TOP3A: variants seen among roughly 807,000 people sequenced by gnomAD.
TOP3A encodes the protein DNA topoisomerase 3-alpha.
In TOP3A, 64 loss-of-function variants were observed where a neutral mutation model predicts 111.3. The observed-to-expected ratio is 0.57, with a 90% confidence interval of 0.47 to 0.71. TOP3A has a LOEUF of 0.71. Among genes scored for constraint, TOP3A ranks in the 30% least tolerant of loss-of-function variants. TOP3A has a pLI of 0.00. For synonymous variants in TOP3A, 484 were observed against 485.1 expected, an observed-to-expected ratio of 1.00 and a Z score of 0.03; for missense variants, 1,104 against 1,285.0, an observed-to-expected ratio of 0.86 and a Z score of 2.15.
chr17:18,307,951 T>G (rs1597987845), intron 3 of TOP3A, among the ~76,000 whole-genome samples: 1 of 135,096 alleles, frequency 7.4e-6, no homozygotes, highest in African/African-American at 2.8e-5. Context: ...TGGCTCACGG[T>G]CTGTAATCCC....
chr17:18,277,936 CT>C lies in TOP3A; in HGVS notation c.2565del (p.Ala856GlnfsTer26). On this transcript the variant is annotated frameshift_variant, in exon 18 of 19. Transcript: ENST00000321105. LOFTEE classifies it high-confidence loss of function. ...FFLWADSPNP[G>X]AGGPPALAYR... Reference sequence around the variant, plus strand: ...TATGCCAAGGCAGGAGGCCCTCCTGCTCCCGGATTGGGGCTGTCTGCCCACA... The same window carrying C: ...TATGCCAAGGCAGGAGGCCCTCCTGCCCCGGATTGGGGCTGTCTGCCCACA... The C allele has an allele frequency of 6.2e-7, 1 of 1,613,970 alleles. No homozygotes were observed. The highest frequency in any genetic ancestry group is 8.5e-7 in the Non-Finnish European group (1 of 1,180,042).
intron 2 of TOP3A, chr17:18,308,670 C>CTT (rs10647472): frequency 0.29 from 118,378 of 404,878 alleles, 13,632 homozygotes; most frequent in African/African-American, 0.57. Context: ...TGTATATTAG[C>CTT]TTTTTTTTTT....
At chr17:18,306,772 A>C (rs1451585994) in intron 4 of TOP3A, 119 bp downstream of exon 4, 1 of 716,624 alleles carries the variant, frequency 1.4e-6, no homozygotes, top group Non-Finnish European at 2.4e-6. Context: ...TTTTTAAATC[A>C]TGGTAGTGAC....
At chr17:18,310,595 A>G (rs939393084) in intron 1 of TOP3A, among the ~76,000 whole-genome samples, 4 of 152,124 alleles carry the variant, frequency 2.6e-5, no homozygotes, top group Admixed American at 2.6e-4. Flanking sequence ...AAGAAGGCAG[A>G]TTCGTGGTTG....
Position 18,291,014 on chromosome 17 carries a change from C to G in TOP3A, c.1295G>C (p.Arg432Pro). The G allele has an allele frequency of 5.0e-6, 8 of 1,614,022 alleles. No homozygotes were observed. Among genetic ancestry groups the G allele is most frequent in the Non-Finnish European group, 6.8e-6 (8 of 1,179,998 alleles). The change falls in exon 12 of 19, where the codon CGA becomes CCA. Residue 432 changes from arginine (R) to proline (P), a missense_variant. Coordinates refer to ENST00000321105, the MANE Select transcript of TOP3A (RefSeq NM_004618.5). ...YTNNLQGDEQ[R>P]LYEFIVRHFL... ...ATGGCGAACAATAAACTCGTACAGTCGCTGTTCATCTCCCTAGGAAGAAAA... is the reference window on the plus strand; with the variant it reads ...ATGGCGAACAATAAACTCGTACAGTGGCTGTTCATCTCCCTAGGAAGAAAA...
intron 9 of TOP3A, among the ~76,000 whole-genome samples, chr17:18,299,273 T>A (rs1981068937): frequency 6.6e-6 from 1 of 152,038 alleles, no homozygotes; most frequent in Non-Finnish European, 1.5e-5. Context: ...CAAAAAATTT[T>A]AAAAATAATT....
At chr17:18,298,098 G>A (rs1301275678) in intron 9 of TOP3A, among the ~76,000 whole-genome samples, 6 of 150,444 alleles carry the variant, frequency 4.0e-5, no homozygotes, top group Admixed American at 1.3e-4. Flanking sequence ...TGTGAGGAGC[G>A]TCTCTGCCCG....
chr17:18,276,172 G>A (rs1238491139), intron 18 of TOP3A, among the ~76,000 whole-genome samples: 4 of 152,208 alleles, frequency 2.6e-5, no homozygotes, highest in African/African-American at 9.7e-5. Flanking sequence ...ACCCAAGCAA[G>A]CTGGCCTGTG....
At chr17:18,314,324 G>C (rs1982109265) in intron 1 of TOP3A, among the ~76,000 whole-genome samples, 1 of 152,220 alleles carries the variant, frequency 6.6e-6, no homozygotes, top group African/African-American at 2.4e-5. Flanking sequence ...GCCAGCGCCC[G>C]AGGCGATTCC....
intron 17 of TOP3A, 34 bp from the exon 18 acceptor site, chr17:18,278,391 C>A: frequency 6.7e-7 from 1 of 1,495,038 alleles, no homozygotes; most frequent in Non-Finnish European, 8.9e-7. Flanking sequence ...AAAACATTAA[C>A]AACCAGATGC....
chr17:18,297,836 G>C (rs1242832382), intron 9 of TOP3A, among the ~76,000 whole-genome samples: 10 of 152,012 alleles, frequency 6.6e-5, no homozygotes, highest in Admixed American at 6.6e-4. Flanking sequence ...GCCTCTGCCC[G>C]GCCGCCACCC....
At chr17:18,299,655 G>C (rs766962983) in intron 8 of TOP3A, 22 bp from the exon 9 acceptor site, 4 of 1,609,716 alleles carry the variant, frequency 2.5e-6, no homozygotes, top group Non-Finnish European at 3.4e-6. Context: ...GGAAAGAAAA[G>C]ACCATGTTAA....
At chr17:18,288,728 TCTTA>T (rs2142957855) in intron 13 of TOP3A, among the ~76,000 whole-genome samples, 1 of 152,280 alleles carries the variant, frequency 6.6e-6, no homozygotes, top group South Asian at 2.1e-4. Context: ...GATCCAGAAG[TCTTA>T]CTATGAGGTT....
intron 1 of TOP3A, 113 bp downstream of exon 1, chr17:18,314,486 G>T: frequency 1.6e-6 from 2 of 1,256,666 alleles, no homozygotes; most frequent in Non-Finnish European, 1.1e-6. Context: ...GGGGCAGTGA[G>T]GCCTGAGAAA....
rs780155629 is a variant in TOP3A at position 18,277,900 on chromosome 17, C to T, written c.2602G>A (p.Gly868Ser). 8.1e-6 allele frequency: 13 copies of T among 1,613,852 alleles called. No individual in the cohort carries two copies. In the African/African-American group the frequency reaches 1.7e-4, roughly 22 times the overall value. ...GPPALAYRPL[G>S]ASLGCPPGPG... Reference sequence around the variant, plus strand: ...CCTGGTGGGCATCCCAGGGAGGCGCCCAGGGGTCTATATGCCAAGGCAGGA... The same window carrying T: ...CCTGGTGGGCATCCCAGGGAGGCGCTCAGGGGTCTATATGCCAAGGCAGGA... Residue 868 changes from glycine to serine, a missense_variant, in exon 18 of 19, where the codon GGC becomes AGC. Gly to Ser is a moderately conservative substitution (Grantham distance 56, BLOSUM62 0). Coordinates refer to ENST00000321105, the MANE Select transcript of TOP3A (RefSeq NM_004618.5).
intron 1 of TOP3A, 60 bp from the exon 2 acceptor site, chr17:18,309,001 A>T: frequency 8.5e-6 from 8 of 938,952 alleles, no homozygotes; most frequent in Non-Finnish European, 1.2e-5. Context: ...ATTCCTTTGT[A>T]TAATTCTTTC....
At position 18,290,913 on chromosome 17, in the gene TOP3A, C is replaced by G; in HGVS notation, c.1396G>C (p.Val466Leu). The change falls in exon 12 of 19, where the codon GTG (valine) becomes CTG (leucine). Residue 466 changes from valine (V) to leucine (L), a missense_variant. Physicochemically the swap from Val to Leu is conservative, Grantham distance 32. Coordinates refer to ENST00000321105, the MANE Select transcript of TOP3A (RefSeq NM_004618.5). The part of the protein sequence containing the change: ...VEIDIAQERF[V>L]AHGLMILARN... ...GCCAGAATCATGAGGCCATGGGCCA[C>G]AAAGCGTTCCTGAGCGATGTCGATC... is the stretch of plus-strand genomic sequence containing the variant. The G allele has an allele frequency of 6.2e-7, 1 of 1,614,172 alleles. No homozygotes were observed. Among genetic ancestry groups the G allele is most frequent in the Non-Finnish European group, 8.5e-7 (1 of 1,180,038 alleles).
Position 18,278,309 on chromosome 17 carries a change from C to T in TOP3A, c.2193G>A (p.Leu731=). 1 of 1,520,746 alleles carries T rather than the reference C, an allele frequency of 6.6e-7. No individual in the cohort carries two copies. Among genetic ancestry groups the T allele is most frequent in the Non-Finnish European group, 8.8e-7 (1 of 1,134,502 alleles). 94.2% of individuals were successfully genotyped at this position (1,520,746 alleles called of 1,614,324 possible). ...KRGSLPPTMP[L]EFVCCIGGCD... The stretch of plus-strand genomic sequence containing the variant: ...ATCCGCCGATGCAGCAAACAAACTC[C>T]AGAGGCATGGTCGGGGGAAGGCTAC... The change falls in exon 18 of 19, where the codon CTG becomes CTA. Residue 731 remains leucine (L), a synonymous_variant. Transcript: ENST00000321105.
intron 16 of TOP3A, among the ~76,000 whole-genome samples, chr17:18,281,952 G>A (rs988888950): frequency 1.3e-5 from 2 of 152,138 alleles, no homozygotes; most frequent in South Asian, 2.1e-4. Flanking sequence ...TAGGAGAATG[G>A]GATGAGGTAA....
Sources: allele counts gnomAD v4.1 joint callset (sites outside exome capture counted in the v4.1 genomes callset), GRCh38; gene constraint gnomAD v4.1.1; transcripts MANE v1.5; gene names NCBI Gene and HGNC (gene_info 2026-07-23, HGNC 2026-07-21).